The following KANK1 variants were observed in gnomAD, a reference collection of about 807,000 sequenced individuals.
The protein encoded by KANK1 is KN motif and ankyrin repeat domain-containing protein 1.
KANK1 carries 109 observed loss-of-function variants against 106.2 expected under a neutral mutation model. That is an observed-to-expected ratio of 1.03 (90% CI 0.88 to 1.20). KANK1 has a LOEUF of 1.20. KANK1 is among the 50% of genes most tolerant of loss of function. The probability of loss-of-function intolerance (pLI) is 0.00; values close to 1 mark genes in which losing one functional copy is unlikely to be tolerated. For missense variants in KANK1, 2,399 were observed against 1,710.7 expected (o/e 1.40, Z -7.10); for synonymous variants, 873 against 652.2 (o/e 1.34, Z -5.16).
intron 1 of KANK1, among the ~76,000 whole-genome samples, chr9:583,882 A>C (rs1380960287): frequency 6.6e-6 from 1 of 152,076 alleles, no homozygotes; most frequent in East Asian, 1.9e-4. Context: ...AAGATATGCT[A>C]ATCAAAATTT....
At chr9:714,969 GT>G (rs1358986794) in intron 3 of KANK1, among the ~76,000 whole-genome samples, 43 of 151,844 alleles carry the variant, frequency 2.8e-4, no homozygotes, top group African/African-American at 1.0e-3. Context: ...ATGAAAATGT[GT>G]GATACAGACT....
At chr9:602,915 A>G (rs979343724) in intron 1 of KANK1, among the ~76,000 whole-genome samples, 2 of 151,894 alleles carry the variant, frequency 1.3e-5, no homozygotes, top group African/African-American at 4.9e-5. Context: ...TATTTCTGTG[A>G]AAACCAAACA....
chr9:574,078 T>G (rs893926207), intron 1 of KANK1, among the ~76,000 whole-genome samples: 1 of 152,240 alleles, frequency 6.6e-6, no homozygotes, highest in African/African-American at 2.4e-5. Context: ...GAAGGAGTCT[T>G]GTCCTGTAGA....
chr9:535,140 A>T (rs540684161), intron 1 of KANK1, among the ~76,000 whole-genome samples: 2 of 152,252 alleles, frequency 1.3e-5, no homozygotes, highest in East Asian at 3.9e-4. Context: ...CAATAGAGTC[A>T]CCCAAAGAAA....
At chr9:684,113 T>G (rs919447662) in intron 2 of KANK1, 2 of 962,320 alleles carry the variant, frequency 2.1e-6, no homozygotes, top group Non-Finnish European at 2.5e-6. Context: ...CAGAGCTTGC[T>G]TGTTTCATAA....
intron 1 of KANK1, among the ~76,000 whole-genome samples, chr9:569,429 G>C (rs1475397077): frequency 6.6e-6 from 1 of 151,964 alleles, no homozygotes; most frequent in Non-Finnish European, 1.5e-5. Context: ...AGGGCTGGTG[G>C]CTTTTAAGAA....
chr9:633,186 A>C (rs72691307), intron 1 of KANK1, among the ~76,000 whole-genome samples: 2 of 151,992 alleles, frequency 1.3e-5, no homozygotes, highest in African/African-American at 2.4e-5. Flanking sequence ...GACCGGGCGC[A>C]GTGGCTCACG....
chr9:519,714 T>C (rs1394810225), intron 1 of KANK1, among the ~76,000 whole-genome samples: 1 of 151,820 alleles, frequency 6.6e-6, no homozygotes, highest in Admixed American at 6.5e-5. Context: ...TTATCCTCCA[T>C]CAGTTAGAGA....
chr9:682,222 G>T lies in KANK1; in HGVS notation c.37+5213G>T, dbSNP rs553505733. Among the ~76,000 whole-genome samples the T allele has an allele frequency of 1.9e-4, 29 of 151,826 alleles. No homozygotes were observed. In the South Asian group the frequency reaches 6.0e-3, roughly 32 times the overall value. On this transcript the variant is annotated intron_variant, in intron 2 of 11. Coordinates refer to ENST00000382297, the MANE Select transcript of KANK1 (RefSeq NM_015158.5). Reference sequence around the variant, plus strand: ...TTGAACCCGGGAGACGAAGGTTGCAGTGTCCCGACACAGTGCTACTGCACT... The same window carrying T: ...TTGAACCCGGGAGACGAAGGTTGCATTGTCCCGACACAGTGCTACTGCACT...
chr9:522,449 C>T (rs1263408472), intron 1 of KANK1, among the ~76,000 whole-genome samples: 1 of 151,590 alleles, frequency 6.6e-6, no homozygotes, highest in African/African-American at 2.4e-5. Flanking sequence ...ATGGTTTTCA[C>T]AAGCAGAGCA....
chr9:633,166 C>A (rs954245847), intron 1 of KANK1, among the ~76,000 whole-genome samples: 1 of 152,088 alleles, frequency 6.6e-6, no homozygotes, highest in African/African-American at 2.4e-5. Context: ...TTGATAAGAA[C>A]CCAACCCTTG....
chr9:682,953 A>G (rs73639399), intron 2 of KANK1, among the ~76,000 whole-genome samples: 7,985 of 152,220 alleles, frequency 0.052, 684 homozygotes, highest in African/African-American at 0.18. Flanking sequence ...GCGTTTCTCA[A>G]ACAGAACTCT....
Position 713,007 on chromosome 9 carries a change from G to A in KANK1, c.2241G>A (p.Gly747=), listed in dbSNP as rs868003059. The change falls in exon 3 of 12, where the codon GGG becomes GGA. Residue 747 remains glycine (G), a synonymous_variant. Transcript: ENST00000382297. ...GVGTLLSGHS[G]FDRPSAVKTK... ...GAACGTTGCTTTCTGGCCATTCTGGGTTTGACAGGCCATCAGCTGTGAAGA... is the reference window on the plus strand; with the variant it reads ...GAACGTTGCTTTCTGGCCATTCTGGATTTGACAGGCCATCAGCTGTGAAGA... 4 of 1,614,184 alleles carry A rather than the reference G, an allele frequency of 2.5e-6. No individual in the cohort carries two copies. Among genetic ancestry groups the A allele is most frequent in the Middle Eastern group, 3.3e-4 (2 of 6,062 alleles).
intron 1 of KANK1, among the ~76,000 whole-genome samples, chr9:509,423 CTAAT>C (rs1353621596): frequency 6.6e-6 from 1 of 152,204 alleles, no homozygotes; most frequent in Non-Finnish European, 1.5e-5. Flanking sequence ...TCCTAGCAGA[CTAAT>C]TATTTGTTGT....
chr9:699,936 C>G (rs1019069760), intron 2 of KANK1, among the ~76,000 whole-genome samples: 6 of 152,106 alleles, frequency 3.9e-5, no homozygotes, highest in Non-Finnish European at 7.4e-5. Flanking sequence ...GAGCTGTGAT[C>G]GTGCCGCTAC....
chr9:623,436 A>G (rs1201128159), intron 1 of KANK1, among the ~76,000 whole-genome samples: 3 of 151,908 alleles, frequency 2.0e-5, no homozygotes, highest in African/African-American at 7.3e-5. Flanking sequence ...CAAGAAATAC[A>G]AAAATTAGCT....
chr9:733,004 C>T (rs1832736457), intron 6 of KANK1: 1 of 169,564 alleles, frequency 5.9e-6, no homozygotes, highest in Non-Finnish European at 1.3e-5. Context: ...ACAGGTGTAT[C>T]ATTATTACAG....
intron 3 of KANK1, among the ~76,000 whole-genome samples, chr9:727,365 G>C (rs1203645399): frequency 6.6e-6 from 1 of 151,970 alleles, no homozygotes; most frequent in African/African-American, 2.4e-5. Flanking sequence ...GCCCAGGCTG[G>C]AGTGCAGTGG....
intron 1 of KANK1, among the ~76,000 whole-genome samples, chr9:631,506 A>G (rs1835728420): frequency 6.6e-6 from 1 of 150,824 alleles, no homozygotes; most frequent in Non-Finnish European, 1.5e-5. Flanking sequence ...ATTCCCCACT[A>G]TACCTGTGCA....
Sources: gnomAD v4.1 joint callset for allele counts (sites outside exome capture counted in the v4.1 genomes callset) on GRCh38, gnomAD v4.1.1 for gene constraint, MANE v1.5 for transcripts, NCBI Gene and HGNC (gene_info 2026-07-23, HGNC 2026-07-21) for gene names.